Variants in ANK2 observed in about 807,000 individuals in gnomAD.
The protein encoded by ANK2 is ankyrin-2.
ANK2 carries 83 observed loss-of-function variants against 360.5 expected under a neutral mutation model. The observed-to-expected ratio is 0.23, with a 90% CI of 0.19 to 0.28. The LOEUF is 0.28. Among genes scored for constraint, ANK2 ranks in the 10% least tolerant of loss-of-function variants. The pLI, the probability that ANK2 is intolerant of heterozygous loss-of-function variation, is 1.00. For missense variants in ANK2, 4,201 were observed against 4,795.7 expected, an observed-to-expected ratio of 0.88 and a Z score of 3.66; for synonymous variants, 1,740 against 1,759.5, an observed-to-expected ratio of 0.99 and a Z score of 0.28.
chr4:112,712,402 ATATAT>A, the ANK2 span, among the ~76,000 whole-genome samples: 86 of 72,256 alleles, frequency 1.2e-3, no homozygotes, highest in East Asian at 0.011. Flanking sequence ...ATATATATAT[ATATAT>A]TTTTTTTTTT....
intron 1 of ANK2, among the ~76,000 whole-genome samples, chr4:113,137,568 T>G (rs1374643077): frequency 6.6e-6 from 1 of 152,198 alleles, no homozygotes; most frequent in Non-Finnish European, 1.5e-5. Context: ...TAATTGCTCT[T>G]AAAGAAGAAA....
chr4:113,248,830 G>A (rs1330613426), intron 9 of ANK2, among the ~76,000 whole-genome samples: 1 of 151,944 alleles, frequency 6.6e-6, no homozygotes, highest in Non-Finnish European at 1.5e-5. Flanking sequence ...TCTGTCCTTG[G>A]GACAATCTTT....
intron 2 of ANK2, among the ~76,000 whole-genome samples, chr4:112,939,411 G>GCGAT (rs1434828888): frequency 6.6e-6 from 1 of 152,144 alleles, no homozygotes; most frequent in East Asian, 1.9e-4. Flanking sequence ...CCTTGTTCAA[G>GCGAT]CGATTCTCCT....
At chr4:112,968,628 TGCTGTTGCCCATA>T (rs2038255844) in intron 2 of ANK2, among the ~76,000 whole-genome samples, 1 of 152,220 alleles carries the variant, frequency 6.6e-6, no homozygotes, top group Non-Finnish European at 1.5e-5. Flanking sequence ...ACATTGTGAC[TGCTGTTGCCCATA>T]GCAACCACCA....
At chr4:112,706,350 C>T in the ANK2 span, among the ~76,000 whole-genome samples, 2 of 152,148 alleles carry the variant, frequency 1.3e-5, no homozygotes, top group East Asian at 3.9e-4. Context: ...CTACATCGCC[C>T]GGCCCAGGAC....
chr4:112,964,813 C>T (rs1055971342), intron 2 of ANK2, among the ~76,000 whole-genome samples: 1 of 152,144 alleles, frequency 6.6e-6, no homozygotes, highest in African/African-American at 2.4e-5. Context: ...TCGTGATCTG[C>T]CTGCCTCAGC....
intron 2 of ANK2, among the ~76,000 whole-genome samples, chr4:112,998,057 C>T (rs913575503): frequency 6.6e-6 from 1 of 151,832 alleles, no homozygotes; most frequent in Non-Finnish European, 1.5e-5. Flanking sequence ...GTCTTAATTC[C>T]TCACATTTTA....
At chr4:113,164,395 T>G (rs1291724315) in intron 1 of ANK2, among the ~76,000 whole-genome samples, 1 of 152,222 alleles carries the variant, frequency 6.6e-6, no homozygotes, top group African/African-American at 2.4e-5. Context: ...ATAGTCTCCG[T>G]AGTTTAAGTA....
the ANK2 span, among the ~76,000 whole-genome samples, chr4:112,721,884 G>A: frequency 1.3e-5 from 2 of 152,144 alleles, no homozygotes; most frequent in African/African-American, 4.8e-5. Context: ...CATGGCATCT[G>A]GAGGAATCTT....
At chr4:113,366,658 A>G (rs566141094) in intron 41 of ANK2, among the ~76,000 whole-genome samples, 16 of 152,166 alleles carry the variant, frequency 1.1e-4, no homozygotes, top group Admixed American at 9.8e-4. Flanking sequence ...TCAGATCAAC[A>G]TATACCTTTT....
chr4:113,255,102 AAATTTAGATTATCCTC>A (rs1255061249), intron 10 of ANK2, among the ~76,000 whole-genome samples: 7 of 152,246 alleles, frequency 4.6e-5, no homozygotes, highest in African/African-American at 1.7e-4. Flanking sequence ...TAATGAAGAC[AAATTTAGATTATCCTC>A]AACTGTAAAA....
intron 1 of ANK2, among the ~76,000 whole-genome samples, chr4:113,141,584 A>T (rs553227618): frequency 1.3e-5 from 2 of 152,338 alleles, no homozygotes; most frequent in African/African-American, 4.8e-5. Flanking sequence ...TCATAGTGGG[A>T]TCAAAACCTG....
chr4:112,858,777 A>G (rs1197126758), intron 1 of ANK2, among the ~76,000 whole-genome samples: 1 of 152,202 alleles, frequency 6.6e-6, no homozygotes, highest in East Asian at 1.9e-4. Flanking sequence ...CATTGTAGGT[A>G]GGTAATCCTT....
chr4:113,245,638 A>T (rs2042437508), intron 9 of ANK2, among the ~76,000 whole-genome samples: 1 of 152,200 alleles, frequency 6.6e-6, no homozygotes, highest in South Asian at 2.1e-4. Flanking sequence ...CCGTTATTCA[A>T]TTACCTCCCA....
At chr4:113,250,466 C>G (rs2045543563) in intron 10 of ANK2, among the ~76,000 whole-genome samples, 1 of 152,296 alleles carries the variant, frequency 6.6e-6, no homozygotes, top group East Asian at 1.9e-4. Context: ...TCAATATGCT[C>G]AAATATGGGA....
At chr4:113,149,462 T>C (rs2096954918) in intron 1 of ANK2, among the ~76,000 whole-genome samples, 1 of 152,182 alleles carries the variant, frequency 6.6e-6, no homozygotes, top group Admixed American at 6.5e-5. Flanking sequence ...TTTGTTCATA[T>C]GGTTAGTTTT....
At chr4:113,000,646 T>C (rs772013945) in intron 2 of ANK2, among the ~76,000 whole-genome samples, 2 of 152,192 alleles carry the variant, frequency 1.3e-5, no homozygotes, top group African/African-American at 2.4e-5. Context: ...TTTAGAAAAG[T>C]TGAACATGGT....
At chr4:113,313,041 C>A (rs78111551) in intron 24 of ANK2, among the ~76,000 whole-genome samples, 1,791 of 152,212 alleles carry the variant, frequency 0.012, 18 homozygotes, top group Non-Finnish European at 0.02. Flanking sequence ...TGATGAATTT[C>A]ATGATTTAGG....
At chr4:113,101,303 C>G (rs1263309726) in intron 1 of ANK2, among the ~76,000 whole-genome samples, 1 of 152,012 alleles carries the variant, frequency 6.6e-6, no homozygotes, top group African/African-American at 2.4e-5. Flanking sequence ...ATATTTCTCC[C>G]TACACTGCCA....
Sources: gnomAD v4.1 joint callset for allele counts (sites outside exome capture counted in the v4.1 genomes callset) on GRCh38, gnomAD v4.1.1 for gene constraint, MANE v1.5 for transcripts, NCBI Gene and HGNC (gene_info 2026-07-23, HGNC 2026-07-21) for gene names.